TNNI3K: variants seen among roughly 807,000 people sequenced by gnomAD.
The protein encoded by TNNI3K is serine/threonine-protein kinase TNNI3K.
Under a neutral mutation model 114.5 loss-of-function variants are expected in TNNI3K, and 140 were observed. The ratio of observed to expected loss-of-function variants is 1.22; its 90% CI spans 1.07 to 1.41. The LOEUF is 1.41. Ranked by LOEUF, TNNI3K falls within the 40% of genes most tolerant of loss-of-function variation. The pLI is 0.00. For synonymous variants in TNNI3K, 347 were observed against 347.5 expected, an observed-to-expected ratio of 1.00 and a Z score of 0.02; for missense variants, 1,125 against 1,007.6, an observed-to-expected ratio of 1.12 and a Z score of -1.58.
At chr1:74,290,923 T>G (rs1657637598) in intron 5 of TNNI3K, among the ~76,000 whole-genome samples, 1 of 151,904 alleles carries the variant, frequency 6.6e-6, no homozygotes, top group Admixed American at 6.6e-5. Context: ...CATACTTTTC[T>G]TATTTAAAAA....
intron 23 of TNNI3K, among the ~76,000 whole-genome samples, chr1:74,518,322 C>A (rs1646378211): frequency 6.6e-6 from 1 of 152,176 alleles, no homozygotes; most frequent in Admixed American, 6.6e-5. Flanking sequence ...TTATTTTCAT[C>A]TCCTATTTCC....
intron 23 of TNNI3K, among the ~76,000 whole-genome samples, chr1:74,501,003 A>T (rs1642799965): frequency 6.6e-6 from 1 of 152,158 alleles, no homozygotes; most frequent in Admixed American, 6.5e-5. Context: ...TTGAAAATTG[A>T]CATCTTTCAT....
intron 5 of TNNI3K, among the ~76,000 whole-genome samples, chr1:74,281,125 AC>A (rs1656985399): frequency 6.6e-6 from 1 of 152,104 alleles, no homozygotes; most frequent in African/African-American, 2.4e-5. Flanking sequence ...GGAAGGATTC[AC>A]CACTTGCTGA....
At chr1:74,254,427 A>G (rs1476403377) in intron 4 of TNNI3K, among the ~76,000 whole-genome samples, 1 of 152,092 alleles carries the variant, frequency 6.6e-6, no homozygotes, top group African/African-American at 2.4e-5. Flanking sequence ...ATGCATTTTC[A>G]GTTTTCTTAT....
At position 74,477,693 on chromosome 1, in the gene TNNI3K, A is replaced by G. The variant is rs569102637; in HGVS notation, c.2122-11496A>G. 2.8e-3 allele frequency among the ~76,000 whole-genome samples: 430 copies of G among 152,322 alleles called. 1 individual carries two copies. The highest frequency in any genetic ancestry group is 9.5e-3 in the African/African-American group (393 of 41,574). ...CTCCCCTGCTCTTGATACTAGGTAT[A>G]TATCTGTATCCCATTACCAGTCAGG... On this transcript the variant is annotated intron_variant, in intron 21 of 24. Coordinates refer to ENST00000326637, the MANE Select transcript of TNNI3K (RefSeq NM_015978.3).
chr1:74,542,474 CT>C (rs1646738389), intron 24 of TNNI3K, among the ~76,000 whole-genome samples: 1 of 152,210 alleles, frequency 6.6e-6, no homozygotes, highest in Non-Finnish European at 1.5e-5. Context: ...ATGTATCCTA[CT>C]GCCCCTCATC....
chr1:74,250,746 G>A lies in TNNI3K; in HGVS notation c.310G>A (p.Ala104Thr). The change falls in exon 4 of 25, where the codon GCC (alanine) becomes ACC (threonine). Residue 104 changes from alanine to threonine, a missense_variant. Coordinates refer to ENST00000326637, the MANE Select transcript of TNNI3K (RefSeq NM_015978.3). Reference protein sequence around the residue: ...PSRLTRNGFTALHLAVYKDNA... With the variant: ...PSRLTRNGFTTLHLAVYKDNA... ...TCGACTGACAAGAAATGGATTTACA[G>A]CCTTGCATTTAGCAGTTTACAAGGT... The A allele has an allele frequency of 6.2e-7, 1 of 1,612,288 alleles. No individual in the cohort carries two copies. Among genetic ancestry groups the A allele is most frequent in the Non-Finnish European group, 8.5e-7 (1 of 1,179,340 alleles).
chr1:74,432,793 C>A (rs1447008192), intron 17 of TNNI3K, among the ~76,000 whole-genome samples: 1 of 152,016 alleles, frequency 6.6e-6, no homozygotes, highest in Admixed American at 6.6e-5. Context: ...TTCCAGACAT[C>A]TAATTATAGC....
rs78222957 is a variant in TNNI3K at position 74,522,524 on chromosome 1, C to A, written c.2352-17710C>A. Among the ~76,000 whole-genome samples the A allele has an allele frequency of 8.4e-3, 1,281 of 152,186 alleles. 16 individuals are homozygous for A. The highest frequency in any genetic ancestry group is 0.029 in the African/African-American group (1,214 of 41,496). ...AATTCTCCCCACGCAGTATAGAAGACCTACTCCTGAGGGTATTATACATTT... is the reference window on the plus strand; with the variant it reads ...AATTCTCCCCACGCAGTATAGAAGAACTACTCCTGAGGGTATTATACATTT... On this transcript the variant is annotated intron_variant, in intron 23 of 24. Coordinates refer to ENST00000326637, the MANE Select transcript of TNNI3K (RefSeq NM_015978.3).
intron 11 of TNNI3K, among the ~76,000 whole-genome samples, chr1:74,358,968 T>G (rs1403656216): frequency 6.6e-6 from 1 of 151,992 alleles, no homozygotes; most frequent in East Asian, 1.9e-4. Flanking sequence ...AATAACCCTT[T>G]AAATTTTTAT....
intron 5 of TNNI3K, among the ~76,000 whole-genome samples, chr1:74,287,092 AT>A (rs148302609): frequency 0.14 from 20,904 of 151,648 alleles, 1,503 homozygotes; most frequent in South Asian, 0.25. Flanking sequence ...CACAAACTTG[AT>A]CAAGCAGAAG....
At chr1:74,396,995 G>C (rs893126028) in intron 17 of TNNI3K, among the ~76,000 whole-genome samples, 1 of 152,182 alleles carries the variant, frequency 6.6e-6, no homozygotes, top group African/African-American at 2.4e-5. Flanking sequence ...GAAGGTTTTT[G>C]TAAGGAGAGA....
intron 4 of TNNI3K, 149 bp from the exon 5 acceptor site, chr1:74,271,449 A>G (rs1013796405): frequency 1.1e-5 from 7 of 616,532 alleles, no homozygotes; most frequent in Non-Finnish European, 1.9e-5. Context: ...ATTCTCTGGT[A>G]TCTAATGTGC....
intron 17 of TNNI3K, among the ~76,000 whole-genome samples, chr1:74,380,163 A>G (rs901793086): frequency 1.3e-5 from 2 of 152,046 alleles, no homozygotes; most frequent in East Asian, 1.9e-4. Context: ...AAATTCCCCA[A>G]TCTCACATCT....
chr1:74,335,496 T>A (rs867489744), intron 6 of TNNI3K, among the ~76,000 whole-genome samples: 1 of 152,160 alleles, frequency 6.6e-6, no homozygotes, highest in Non-Finnish European at 1.5e-5. Flanking sequence ...CTAGAGGTTG[T>A]GCTTAGAGAT....
intron 2 of TNNI3K, among the ~76,000 whole-genome samples, chr1:74,238,675 G>A (rs966129685): frequency 6.6e-6 from 1 of 152,074 alleles, no homozygotes; most frequent in Non-Finnish European, 1.5e-5. Context: ...TAGAGTATTA[G>A]AAGGCTAATC....
At chr1:74,538,245 G>A (rs1184598643) in intron 23 of TNNI3K, among the ~76,000 whole-genome samples, 1 of 152,126 alleles carries the variant, frequency 6.6e-6, no homozygotes, top group African/African-American at 2.4e-5. Flanking sequence ...ACAAGACACA[G>A]AGACCCAAGT....
intron 5 of TNNI3K, among the ~76,000 whole-genome samples, chr1:74,276,628 G>A (rs1431002869): frequency 1.3e-5 from 2 of 152,020 alleles, no homozygotes; most frequent in Non-Finnish European, 2.9e-5. Context: ...ACGGATCAGT[G>A]GGTGTTCTGT....
At chr1:74,515,498 TTTGACTGAAGTTTCTCTGATGGTTGCTG>T (rs1191436190) in intron 23 of TNNI3K, among the ~76,000 whole-genome samples, 2 of 152,182 alleles carry the variant, frequency 1.3e-5, no homozygotes, top group African/African-American at 4.8e-5. Context: ...GGGTGTGCTA[TTTGACTGAAGTTTCTCTGATGGTTGCTG>T]TTGGCAACCA....
Sources: allele counts gnomAD v4.1 joint callset (sites outside exome capture counted in the v4.1 genomes callset), GRCh38; gene constraint gnomAD v4.1.1; transcripts MANE v1.5; gene names NCBI Gene and HGNC (gene_info 2026-07-23, HGNC 2026-07-21).